TNFSF4: variants seen among roughly 807,000 people sequenced by gnomAD.
TNFSF4 encodes the protein tumor necrosis factor ligand superfamily member 4.
Under a neutral mutation model 7.3 loss-of-function variants are expected in TNFSF4, and 4 were observed. That is an observed-to-expected ratio of 0.55 (90% CI 0.27 to 1.25). The LOEUF (loss-of-function observed/expected upper bound fraction) is 1.25, where lower values mean the gene tolerates loss of function less well. TNFSF4 is among the 50% of genes most tolerant of loss of function. The pLI is 0.12. For synonymous variants in TNFSF4, 76 were observed against 83.7 expected, an observed-to-expected ratio of 0.91 and a Z score of 0.50; for missense variants, 181 against 208.8, an observed-to-expected ratio of 0.87 and a Z score of 0.82.
chr1:173,204,918 CACACAA>C (rs1443601762), intron 1 of TNFSF4, among the ~76,000 whole-genome samples: 1 of 138,324 alleles, frequency 7.2e-6, no homozygotes, highest in African/African-American at 3.3e-5. Flanking sequence ...CACACACACA[CACACAA>C]ACACACACAC....
chr1:173,300,786 T>G, the TNFSF4 span, among the ~76,000 whole-genome samples: 3 of 151,894 alleles, frequency 2.0e-5, no homozygotes, highest in African/African-American at 7.2e-5. Flanking sequence ...TGAGTTGATC[T>G]TATTTTGAAA....
chr1:173,410,053 C>T, the TNFSF4 span, among the ~76,000 whole-genome samples: 1 of 152,038 alleles, frequency 6.6e-6, no homozygotes, highest in Non-Finnish European at 1.5e-5. Flanking sequence ...TCACTTGAGC[C>T]CAGGAGTTTG....
the TNFSF4 span, among the ~76,000 whole-genome samples, chr1:173,336,415 AT>A: frequency 6.6e-6 from 1 of 152,226 alleles, no homozygotes; most frequent in Non-Finnish European, 1.5e-5. Flanking sequence ...ATGTGGTTTC[AT>A]TGCTTGAGAA....
rs1229725007 is a variant in TNFSF4, at chr1:173,183,982, C to G, written c.*2534G>C. 2 of 152,050 alleles carry G rather than the reference C, an allele frequency of 1.3e-5. No homozygotes were observed. The highest frequency in any genetic ancestry group is 2.9e-5 in the Non-Finnish European group (2 of 67,992). 9.4% of individuals were successfully genotyped at this position (152,050 alleles called of 1,614,324 possible). On this transcript the variant is annotated 3_prime_UTR_variant, in exon 3 of 3. Transcript: ENST00000281834. ...TTGATAACTGCTCTTGAAGGACTCA[C>G]AAAGATGGCTGAGGAAGATGTAAGC...
chr1:173,182,443 G>C (rs963867613), downstream of TNFSF4, among the ~76,000 whole-genome samples: 5 of 152,116 alleles, frequency 3.3e-5, no homozygotes, highest in Non-Finnish European at 5.9e-5. Context: ...GTGTGGTCTT[G>C]GGTGTTAACT....
At chr1:173,257,749 C>T in the TNFSF4 span, among the ~76,000 whole-genome samples, 13 of 152,164 alleles carry the variant, frequency 8.5e-5, no homozygotes, top group Non-Finnish European at 1.6e-4. Flanking sequence ...TCATGTAGGA[C>T]AGTACACAGA....
chr1:173,248,899 T>C, the TNFSF4 span, among the ~76,000 whole-genome samples: 1 of 152,240 alleles, frequency 6.6e-6, no homozygotes, highest in Non-Finnish European at 1.5e-5. Context: ...ATTTGTTCTA[T>C]GAAAACTTTT....
chr1:173,189,783 T>A (rs1571186591), intron 1 of TNFSF4, among the ~76,000 whole-genome samples: 1 of 152,170 alleles, frequency 6.6e-6, no homozygotes, highest in Non-Finnish European at 1.5e-5. Context: ...AAGACACTAG[T>A]TGCAAATGTT....
chr1:173,382,450 CATT>C, the TNFSF4 span, among the ~76,000 whole-genome samples: 1 of 152,204 alleles, frequency 6.6e-6, no homozygotes, highest in South Asian at 2.1e-4. Flanking sequence ...ATTCCGGACA[CATT>C]AGGAGAAATA....
the TNFSF4 span, among the ~76,000 whole-genome samples, chr1:173,370,444 A>T: frequency 6.6e-6 from 1 of 152,314 alleles, no homozygotes; most frequent in East Asian, 1.9e-4. Context: ...ATCTGTTGAC[A>T]TGTGCTCTAG....
chr1:173,207,436 T>A (rs1283152786), upstream of TNFSF4: 2 of 322,948 alleles, frequency 6.2e-6, no homozygotes. Context: ...TTCTTTCTTT[T>A]TTTTTTTCCT....
At chr1:173,291,926 C>T in the TNFSF4 span, among the ~76,000 whole-genome samples, 6 of 151,780 alleles carry the variant, frequency 4.0e-5, no homozygotes, top group South Asian at 1.2e-3. Flanking sequence ...CCTGAACACA[C>T]AACCTCCCCA....
At chr1:173,378,113 C>T in the TNFSF4 span, among the ~76,000 whole-genome samples, 4 of 152,178 alleles carry the variant, frequency 2.6e-5, no homozygotes, top group African/African-American at 7.2e-5. Context: ...CGACTAAATC[C>T]GACCTTCCTC....
At chr1:173,241,243 C>G in the TNFSF4 span, among the ~76,000 whole-genome samples, 1 of 152,158 alleles carries the variant, frequency 6.6e-6, no homozygotes, top group African/African-American at 2.4e-5. Flanking sequence ...AGTTTACACC[C>G]AGTGAAGATA....
At chr1:173,365,025 T>C in the TNFSF4 span, among the ~76,000 whole-genome samples, 3 of 151,230 alleles carry the variant, frequency 2.0e-5, no homozygotes. Flanking sequence ...GTATTGAGGC[T>C]GCAATGAGCT....
the TNFSF4 span, among the ~76,000 whole-genome samples, chr1:173,254,397 CT>C: frequency 3.3e-5 from 5 of 151,516 alleles, no homozygotes; most frequent in African/African-American, 1.2e-4. Flanking sequence ...CTTCAGTTCA[CT>C]TTTTTTTTCT....
At chr1:173,288,121 A>G in the TNFSF4 span, among the ~76,000 whole-genome samples, 1 of 152,250 alleles carries the variant, frequency 6.6e-6, no homozygotes, top group South Asian at 2.1e-4. Flanking sequence ...CAACTTCACC[A>G]TCTGGTATTA....
the TNFSF4 span, among the ~76,000 whole-genome samples, chr1:173,298,298 C>T: frequency 9.2e-5 from 14 of 152,038 alleles, no homozygotes; most frequent in Admixed American, 9.2e-4. Flanking sequence ...AATATGATTG[C>T]TGTTTACCTG....
the TNFSF4 span, among the ~76,000 whole-genome samples, chr1:173,389,667 A>G: frequency 2.6e-5 from 4 of 152,298 alleles, no homozygotes; most frequent in Middle Eastern, 3.4e-3. Flanking sequence ...CATTTATCCA[A>G]AGAAAGAATC....
Sources: allele counts gnomAD v4.1 joint callset (sites outside exome capture counted in the v4.1 genomes callset), GRCh38; gene constraint gnomAD v4.1.1; transcripts MANE v1.5; gene names NCBI Gene and HGNC (gene_info 2026-07-23, HGNC 2026-07-21).